The following LEMD3 variants were observed in gnomAD, a reference collection of about 807,000 sequenced individuals.
The protein encoded by LEMD3 is inner nuclear membrane protein Man1.
In LEMD3, 33 loss-of-function variants were observed where a neutral mutation model predicts 95.2. The observed-to-expected ratio is 0.35, with a 90% CI of 0.26 to 0.46. The LOEUF (loss-of-function observed/expected upper bound fraction) is 0.46. Ranked by LOEUF, LEMD3 falls within the 20% of genes least tolerant of loss-of-function variation. The probability of loss-of-function intolerance (pLI) is 1.00; values close to 1 mark genes in which losing one functional copy is unlikely to be tolerated. For missense variants in LEMD3, 1,210 were observed against 1,192.8 expected (o/e 1.01, Z -0.21); for synonymous variants, 525 against 474.6 (o/e 1.11, Z -1.38).
chr12:65,245,737 G>A lies in LEMD3; in HGVS notation c.2456G>A (p.Gly819Asp). The A allele has an allele frequency of 6.2e-7, 1 of 1,613,782 alleles. No individual in the cohort carries two copies. The highest frequency in any genetic ancestry group is 8.5e-7 in the Non-Finnish European group (1 of 1,179,794). The change falls in exon 11 of 13, where the codon GGC (glycine) becomes GAC (aspartate). Residue 819 changes from glycine (G) to aspartate (D), a missense_variant. Gly to Asp is a moderately conservative substitution (Grantham distance 94). Around this residue, in one of 2 missense-constraint regions of LEMD3, gnomAD observed 461 missense variants for 569.8 expected, o/e 0.81. Transcript: ENST00000308330. ...AILEKCSDND[G>D]IVHIAVDKNS... ...TTAGAAAAATGCAGTGATAATGATGGCATTGTTCACATTGCAGTAGACAAA... is the reference window on the plus strand; with the variant it reads ...TTAGAAAAATGCAGTGATAATGATGACATTGTTCACATTGCAGTAGACAAA...
intron 1 of LEMD3, among the ~76,000 whole-genome samples, chr12:65,172,603 A>G: frequency 6.6e-6 from 1 of 151,806 alleles, no homozygotes; most frequent in South Asian, 2.1e-4. Flanking sequence ...TATTTGGGAG[A>G]AAAAAAATAA....
At chr12:65,204,850 A>C (rs759204313) in intron 1 of LEMD3, among the ~76,000 whole-genome samples, 5 of 152,186 alleles carry the variant, frequency 3.3e-5, no homozygotes, top group Admixed American at 1.3e-4. Flanking sequence ...TGTTACAGAT[A>C]TCTCAAACTG....
chr12:65,169,802 A>G lies in LEMD3; in HGVS notation c.206A>G (p.Asn69Ser), dbSNP rs928429096. 8 of 1,519,386 alleles carry G rather than the reference A, an allele frequency of 5.3e-6. No individual in the cohort carries two copies. Among genetic ancestry groups the G allele is most frequent in the African/African-American group, 2.8e-5 (2 of 71,360 alleles). The allele number at this position is 1,519,386 out of a possible 1,614,324, so 94.1% of individuals were successfully genotyped here. ...AACAAGACGCGGAACAGTAATAACA[A>G]TAACACGGCAGCCGCCACGGTCGCA... ...RGNKTRNSNN[N>S]NTAAATVAAA... The change falls in exon 1 of 13, where the codon AAT (asparagine) becomes AGT (serine). Residue 69 changes from asparagine (N) to serine (S), a missense_variant. Around this residue, in one of 2 missense-constraint regions of LEMD3, gnomAD observed 749 missense variants for 622.9 expected, o/e 1.20. Coordinates refer to ENST00000308330, the MANE Select transcript of LEMD3 (RefSeq NM_014319.5).
chr12:65,180,009 A>G (rs561579048), intron 1 of LEMD3, among the ~76,000 whole-genome samples: 5 of 152,144 alleles, frequency 3.3e-5, no homozygotes, highest in South Asian at 2.1e-4. Flanking sequence ...CAGTGGTGCA[A>G]TATCGGCTCA....
At chr12:65,199,502 G>A (rs777718937) in intron 1 of LEMD3, among the ~76,000 whole-genome samples, 3 of 151,566 alleles carry the variant, frequency 2.0e-5, no homozygotes, top group Non-Finnish European at 4.4e-5. Context: ...GCTATTTTTC[G>A]ATATGCTATG....
chr12:65,228,671 C>T (rs1592457192), intron 4 of LEMD3, among the ~76,000 whole-genome samples: 1 of 152,298 alleles, frequency 6.6e-6, no homozygotes, highest in African/African-American at 2.4e-5. Flanking sequence ...GCTGGGATTA[C>T]AGGCGTGAGC....
rs1320881970 is a variant in LEMD3, at chr12:65,246,142, T to C, written c.2573-20T>C. 3.2e-6 allele frequency: 5 copies of C among 1,575,390 alleles called. No homozygotes were observed. The highest frequency in any genetic ancestry group is 2.2e-5 in the South Asian group (2 of 90,220). On this transcript the variant is annotated intron_variant, in intron 12 of 12. Transcript: ENST00000308330. The stretch of plus-strand genomic sequence containing the variant: ...TAAACAGTTTTACTGATCTAAAATA[T>C]TATTTTTATCTTACAACAGGGAAAT...
At chr12:65,172,185 G>A in intron 1 of LEMD3, among the ~76,000 whole-genome samples, 1 of 152,168 alleles carries the variant, frequency 6.6e-6, no homozygotes, top group East Asian at 1.9e-4. Flanking sequence ...TCTATAAGAT[G>A]AGGCCTCTAT....
chr12:65,186,321 G>T (rs1167469922), intron 1 of LEMD3, among the ~76,000 whole-genome samples: 1 of 151,730 alleles, frequency 6.6e-6, no homozygotes, highest in Non-Finnish European at 1.5e-5. Context: ...AACAAAATTT[G>T]TATTTTACTT....
chr12:65,210,847 T>C, intron 1 of LEMD3, 79 bp from the exon 2 acceptor site: 1 of 1,053,044 alleles, frequency 9.5e-7, no homozygotes, highest in Non-Finnish European at 1.5e-6. Flanking sequence ...AAGTACATGC[T>C]GGCATTTCAG....
intron 1 of LEMD3, among the ~76,000 whole-genome samples, chr12:65,203,212 A>G (rs1182917884): frequency 6.6e-6 from 1 of 152,126 alleles, no homozygotes; most frequent in Non-Finnish European, 1.5e-5. Flanking sequence ...AATTTCTGCA[A>G]TCAGGCCTTG....
At chr12:65,172,450 A>G (rs1868580420) in intron 1 of LEMD3, among the ~76,000 whole-genome samples, 1 of 152,208 alleles carries the variant, frequency 6.6e-6, no homozygotes, top group Non-Finnish European at 1.5e-5. Context: ...GTAAGCTTAG[A>G]TTTAGATATA....
At chr12:65,190,884 A>C (rs1869219136) in intron 1 of LEMD3, among the ~76,000 whole-genome samples, 1 of 152,180 alleles carries the variant, frequency 6.6e-6, no homozygotes. Context: ...TTTCATCTTC[A>C]TTCACAAAGG....
At chr12:65,239,508 A>G (rs1286488429) in intron 6 of LEMD3, among the ~76,000 whole-genome samples, 1 of 152,188 alleles carries the variant, frequency 6.6e-6, no homozygotes, top group Non-Finnish European at 1.5e-5. Context: ...TGATTGCACT[A>G]CTGCCCTCCA....
intron 1 of LEMD3, among the ~76,000 whole-genome samples, chr12:65,194,808 T>TCAA: frequency 7.1e-6 from 1 of 140,332 alleles, no homozygotes; most frequent in African/African-American, 2.5e-5. Context: ...AACTATTATC[T>TCAA]TAATTATACT....
Position 65,169,908 on chromosome 12 carries a change from T to A in LEMD3, c.312T>A (p.Pro104=). 1 of 1,451,710 alleles carries A rather than the reference T, an allele frequency of 6.9e-7. No homozygotes were observed. The highest frequency in any genetic ancestry group is 1.5e-5 in the African/African-American group (1 of 68,356). The allele number at this position is 1,451,710 out of a possible 1,614,324, so 89.9% of individuals were successfully genotyped here. A position where few individuals can be genotyped will look rare whatever the true frequency, so the allele number is the denominator to read the frequency against. The stretch of plus-strand genomic sequence containing the variant: ...GCGACCTCTCCTACTTACGGACTCC[T>A]GGGGGCCTGTGCCGAATCTCGGCCT... The part of the protein sequence containing the change: ...VSGDLSYLRT[P]GGLCRISASG... Residue 104 remains proline (P), a synonymous_variant, in exon 1 of 13, where the codon CCT becomes CCA. Transcript: ENST00000308330.
intron 1 of LEMD3, among the ~76,000 whole-genome samples, chr12:65,185,115 T>G (rs1869020934): frequency 6.6e-6 from 1 of 152,070 alleles, no homozygotes; most frequent in Non-Finnish European, 1.5e-5. Context: ...CACCACCAAG[T>G]CTGGCAGTCA....
At chr12:65,204,994 T>G (rs1256805210) in intron 1 of LEMD3, among the ~76,000 whole-genome samples, 1 of 152,164 alleles carries the variant, frequency 6.6e-6, no homozygotes, top group African/African-American at 2.4e-5. Context: ...GAAAGAGGTT[T>G]AATTGACTCA....
rs763192267 is a variant in LEMD3 at position 65,169,605 on chromosome 12, G to A, written c.9G>A (p.Ala3=). MA[A]AAASAPQQLS... is the part of the protein sequence containing the mutation. ...AACACCCTGGAGAGAAAATGGCGGC[G>A]GCAGCAGCTTCGGCGCCTCAGCAGC... Residue 3 remains alanine, a synonymous_variant, in exon 1 of 13, where the codon GCG becomes GCA. Transcript: ENST00000308330. 21 of 1,588,154 alleles carry A rather than the reference G, an allele frequency of 1.3e-5. No individual in the cohort carries two copies. The highest frequency in any genetic ancestry group is 9.1e-5 in the East Asian group (4 of 44,088).
Sources: gnomAD v4.1 joint callset for allele counts (sites outside exome capture counted in the v4.1 genomes callset) on GRCh38, gnomAD v4.1.1 for gene constraint, gnomAD v4.1.1 regional missense constraint, MANE v1.5 for transcripts, NCBI Gene and HGNC (gene_info 2026-07-23, HGNC 2026-07-21) for gene names.